Variants in CNTN1 observed in about 807,000 individuals in gnomAD.
CNTN1 encodes contactin-1.
In CNTN1, 38 loss-of-function variants were observed where a neutral mutation model predicts 126.4. That is an observed-to-expected ratio of 0.30 (90% CI 0.23 to 0.39). The LOEUF (loss-of-function observed/expected upper bound fraction) is 0.39, where lower values mean the gene tolerates loss of function less well. Among genes scored for constraint, CNTN1 ranks in the 10% least tolerant of loss-of-function variants. CNTN1 has a pLI of 1.00. For synonymous variants in CNTN1, 413 were observed against 422.6 expected (o/e 0.98, Z 0.28); for missense variants, 1,009 against 1,248.4 (o/e 0.81, Z 2.89).
intron 17 of CNTN1, among the ~76,000 whole-genome samples, chr12:40,999,697 C>CTTTTT (rs398019220): frequency 2.9e-4 from 25 of 86,660 alleles, no homozygotes; most frequent in Non-Finnish European, 3.6e-4. Context: ...TTCTTCTGTG[C>CTTTTT]TTTTTTTTTT....
chr12:41,032,226 T>A (rs564748297), intron 23 of CNTN1, among the ~76,000 whole-genome samples: 4 of 152,200 alleles, frequency 2.6e-5, no homozygotes, highest in South Asian at 2.1e-4. Context: ...GGGGGTTTTT[T>A]AAAACACAAA....
chr12:40,841,435 G>A (rs574497298), intron 1 of CNTN1, among the ~76,000 whole-genome samples: 1 of 152,088 alleles, frequency 6.6e-6, no homozygotes, highest in African/African-American at 2.4e-5. Flanking sequence ...CATTTTATGA[G>A]GCCAGCATCA....
rs370971706 is a variant in CNTN1, at chr12:40,925,800, T to TTATATA, written c.496+1172_496+1177dup. On this transcript the variant is annotated intron_variant, in intron 6 of 23. Coordinates refer to ENST00000551295, the MANE Select transcript of CNTN1 (RefSeq NM_001843.4). Reference sequence around the variant, plus strand: ...CCTTTTTCTTAAGGAACTATTGAAATTATATATATATATATATATATATAT... The same window carrying TTATATA: ...CCTTTTTCTTAAGGAACTATTGAAATTATATATATATATATATATATATATATATAT... 5.7e-3 allele frequency among the ~76,000 whole-genome samples: 663 copies of TTATATA among 116,506 alleles called. 4 individuals are homozygous for TTATATA. The highest frequency in any genetic ancestry group is 0.01 in the South Asian group (36 of 3,596). The allele number at this position is 116,506 out of a possible 152,430, so 76.4% of individuals were successfully genotyped here.
At chr12:41,050,176 A>C (rs988006591) in intron 23 of CNTN1, among the ~76,000 whole-genome samples, 1 of 152,332 alleles carries the variant, frequency 6.6e-6, no homozygotes, top group South Asian at 2.1e-4. Flanking sequence ...CTGGGATTAC[A>C]GGTGAGAGCC....
At chr12:40,999,697 C>CTTTTTTTT (rs398019220) in intron 17 of CNTN1, among the ~76,000 whole-genome samples, 4 of 86,646 alleles carry the variant, frequency 4.6e-5, no homozygotes, top group East Asian at 3.2e-4. Context: ...TTCTTCTGTG[C>CTTTTTTTT]TTTTTTTTTT....
intron 1 of CNTN1, among the ~76,000 whole-genome samples, chr12:40,771,711 C>T (rs1032361608): frequency 1.3e-5 from 2 of 151,776 alleles, no homozygotes; most frequent in Admixed American, 6.6e-5. Context: ...CCAAGGAGAA[C>T]GGCCAGTTGT....
At chr12:40,723,900 A>T (rs2121229347) in intron 1 of CNTN1, among the ~76,000 whole-genome samples, 1 of 152,312 alleles carries the variant, frequency 6.6e-6, no homozygotes, top group South Asian at 2.1e-4. Context: ...TGGACCCTAG[A>T]CACTTCTAAC....
At chr12:40,703,026 T>TTG (rs984214999) in intron 1 of CNTN1, among the ~76,000 whole-genome samples, 8 of 120,420 alleles carry the variant, frequency 6.6e-5, no homozygotes, top group African/African-American at 2.4e-4. Context: ...TATATATATA[T>TTG]TTTTTACAGA....
At chr12:41,041,973 G>C (rs562951650) in intron 23 of CNTN1, among the ~76,000 whole-genome samples, 1 of 152,004 alleles carries the variant, frequency 6.6e-6, no homozygotes, top group East Asian at 1.9e-4. Context: ...GAATATGTTT[G>C]CTCTTGCTTT....
chr12:41,049,020 C>T (rs1592460736), intron 23 of CNTN1, among the ~76,000 whole-genome samples: 1 of 152,122 alleles, frequency 6.6e-6, no homozygotes, highest in South Asian at 2.1e-4. Context: ...TAGGAGTAGT[C>T]CTCTCCTTAC....
intron 20 of CNTN1, among the ~76,000 whole-genome samples, chr12:41,023,032 G>A (rs1948957156): frequency 6.6e-6 from 1 of 152,032 alleles, no homozygotes; most frequent in Admixed American, 6.6e-5. Context: ...GTAGGGGGGA[G>A]GGGGGTCTTG....
At chr12:40,764,453 T>C (rs190822596) in intron 1 of CNTN1, among the ~76,000 whole-genome samples, 1 of 152,216 alleles carries the variant, frequency 6.6e-6, no homozygotes, top group African/African-American at 2.4e-5. Context: ...TTTCTAATTG[T>C]TTTTTATTGA....
intron 1 of CNTN1, among the ~76,000 whole-genome samples, chr12:40,794,329 C>A (rs552436836): frequency 6.6e-6 from 1 of 151,984 alleles, no homozygotes; most frequent in African/African-American, 2.4e-5. Flanking sequence ...TTGTGCCAGC[C>A]AGTACAGAGT....
At chr12:40,907,343 G>C (rs1208475847) in intron 1 of CNTN1, among the ~76,000 whole-genome samples, 2 of 152,176 alleles carry the variant, frequency 1.3e-5, no homozygotes, top group Admixed American at 1.3e-4. Context: ...CATTGCACTG[G>C]CTTGTTCACA....
intron 2 of CNTN1, among the ~76,000 whole-genome samples, chr12:40,908,978 A>G (rs1481048514): frequency 6.6e-6 from 1 of 152,184 alleles, no homozygotes; most frequent in African/African-American, 2.4e-5. Context: ...TAATTTATTC[A>G]TTTGTAAATT....
intron 1 of CNTN1, among the ~76,000 whole-genome samples, chr12:40,788,820 G>A (rs529054193): frequency 2.0e-5 from 3 of 152,108 alleles, no homozygotes; most frequent in Admixed American, 2.0e-4. Context: ...TTTATGTTCT[G>A]CCTCATCACA....
intron 1 of CNTN1, among the ~76,000 whole-genome samples, chr12:40,866,500 T>C (rs1184923650): frequency 6.6e-6 from 1 of 152,156 alleles, no homozygotes; most frequent in Non-Finnish European, 1.5e-5. Context: ...CCTAGTTTAG[T>C]AAGCATTTTT....
intron 7 of CNTN1, among the ~76,000 whole-genome samples, chr12:40,932,904 C>G (rs1233518947): frequency 1.3e-5 from 2 of 151,950 alleles, no homozygotes; most frequent in African/African-American, 4.8e-5. Context: ...ATTAATACAT[C>G]TTTCAGGACT....
intron 1 of CNTN1, among the ~76,000 whole-genome samples, chr12:40,708,352 T>C (rs927162802): frequency 1.3e-5 from 2 of 152,234 alleles, no homozygotes; most frequent in African/African-American, 4.8e-5. Flanking sequence ...TGTAGTCTAT[T>C]AAGTGTGCAA....
Sources: gnomAD v4.1 joint callset for allele counts (sites outside exome capture counted in the v4.1 genomes callset) on GRCh38, gnomAD v4.1.1 for gene constraint, MANE v1.5 for transcripts, NCBI Gene and HGNC (gene_info 2026-07-23, HGNC 2026-07-21) for gene names.